The following OXCT1 variants were observed in gnomAD, a reference collection of about 807,000 sequenced individuals.
OXCT1 encodes the protein succinyl-CoA:3-ketoacid coenzyme A transferase 1, mitochondrial.
In OXCT1, 27 loss-of-function variants were observed where a neutral mutation model predicts 69.6. That is an observed-to-expected ratio of 0.39 (90% CI 0.29 to 0.54). OXCT1 has a LOEUF of 0.54. Ranked by LOEUF, OXCT1 falls within the 20% of genes least tolerant of loss-of-function variation. The pLI, the probability that OXCT1 is intolerant of heterozygous loss-of-function variation, is 0.72. For synonymous variants in OXCT1, 202 were observed against 217.8 expected (o/e 0.93, Z 0.64); for missense variants, 437 against 650.2 (o/e 0.67, Z 3.57).
In OXCT1 at chr5:41,803,313, C is replaced by T. The variant is rs34569700; in HGVS notation, c.956-150G>A. On this transcript the variant is annotated intron_variant, in intron 9 of 16. Transcript: ENST00000196371. ...GAATATATTCTCCAATCACCCATGG[C>T]GCATTATTTTGTAATTTTTCAAAAA... The T allele has an allele frequency of 0.19, 108,583 of 565,794 alleles. 11,625 individuals are homozygous for T. The highest frequency in any genetic ancestry group is 0.29 in the Middle Eastern group (650 of 2,274). 35.0% of individuals were successfully genotyped at this position (565,794 alleles called of 1,614,324 possible).
intron 5 of OXCT1, among the ~76,000 whole-genome samples, chr5:41,843,420 G>C (rs1423086340): frequency 6.6e-6 from 1 of 152,062 alleles, no homozygotes; most frequent in African/African-American, 2.4e-5. Context: ...TAGGTACTTA[G>C]TGGTTTCTCT....
At chr5:41,747,741 G>C (rs1743566590) in intron 15 of OXCT1, among the ~76,000 whole-genome samples, 1 of 152,084 alleles carries the variant, frequency 6.6e-6, no homozygotes, top group Admixed American at 6.6e-5. Context: ...TAGGGAGAAA[G>C]TTAAAGCAGA....
chr5:41,825,980 TA>T (rs1747788794), intron 7 of OXCT1, among the ~76,000 whole-genome samples: 1 of 152,204 alleles, frequency 6.6e-6, no homozygotes, highest in African/African-American at 2.4e-5. Context: ...TAAAAAGAGA[TA>T]AAATGGGTCA....
intron 3 of OXCT1, among the ~76,000 whole-genome samples, chr5:41,856,181 C>T (rs1436683879): frequency 6.6e-6 from 1 of 152,028 alleles, no homozygotes; most frequent in African/African-American, 2.4e-5. Context: ...TGAAGAGGCT[C>T]GAAGTAGTCC....
chr5:41,846,206 G>A (rs1369746862), intron 5 of OXCT1, among the ~76,000 whole-genome samples: 4 of 150,722 alleles, frequency 2.7e-5, no homozygotes, highest in Non-Finnish European at 4.4e-5. Flanking sequence ...ATGTATACAT[G>A]TGCCATGCTG....
Position 41,838,197 on chromosome 5 carries a change from G to A in OXCT1, c.732+2254C>T, listed in dbSNP as rs376540680. ...AACGGAGTGCATAGGGTATAGCACA[G>A]AACAGGGGGCTGGAGGTCCAGGGTA... On this transcript the variant is annotated intron_variant, in intron 7 of 16. Coordinates refer to ENST00000196371, the MANE Select transcript of OXCT1 (RefSeq NM_000436.4). Among the ~76,000 whole-genome samples, 138 of 152,280 alleles carry A rather than the reference G, an allele frequency of 9.1e-4. 1 individual carries two copies. Among genetic ancestry groups the A allele is most frequent in the African/African-American group, 3.3e-3 (136 of 41,546 alleles).
chr5:41,850,287 A>T, intron 4 of OXCT1, 108 bp from the exon 5 acceptor site: 2 of 1,247,234 alleles, frequency 1.6e-6, no homozygotes, highest in South Asian at 1.3e-5. Flanking sequence ...AATTCTAAAA[A>T]GTAGCTAGCA....
At chr5:41,746,634 C>T (rs1297777462) in intron 15 of OXCT1, among the ~76,000 whole-genome samples, 1 of 152,076 alleles carries the variant, frequency 6.6e-6, no homozygotes, top group Non-Finnish European at 1.5e-5. Context: ...CCAATTATCC[C>T]CATATGTTAA....
At chr5:41,773,500 A>G (rs1744977253) in intron 13 of OXCT1, among the ~76,000 whole-genome samples, 1 of 151,936 alleles carries the variant, frequency 6.6e-6, no homozygotes, top group Non-Finnish European at 1.5e-5. Flanking sequence ...GGGAGGCTGA[A>G]GTGGGAGGAT....
intron 15 of OXCT1, among the ~76,000 whole-genome samples, chr5:41,743,937 A>T (rs1743330758): frequency 6.6e-6 from 1 of 151,912 alleles, no homozygotes; most frequent in Non-Finnish European, 1.5e-5. Context: ...TTGTTCTTTT[A>T]GCTTAGTATT....
intron 13 of OXCT1, among the ~76,000 whole-genome samples, chr5:41,793,494 C>T (rs1387333432): frequency 1.3e-5 from 2 of 152,150 alleles, no homozygotes; most frequent in Non-Finnish European, 2.9e-5. Context: ...TATTAAATGA[C>T]AACTGTGCAT....
intron 2 of OXCT1, among the ~76,000 whole-genome samples, chr5:41,862,200 A>G (rs1749770166): frequency 6.6e-6 from 1 of 152,176 alleles, no homozygotes; most frequent in Non-Finnish European, 1.5e-5. Flanking sequence ...GACAAAGTGA[A>G]ACTCCCTCGA....
intron 15 of OXCT1, 187 bp from the exon 16 acceptor site, chr5:41,739,678 A>C (rs974861358): frequency 2.3e-5 from 12 of 520,952 alleles, no homozygotes. Flanking sequence ...ATCCTGGCTA[A>C]CACGGTGAAA....
chr5:41,868,961 C>G (rs1750140165), intron 1 of OXCT1, among the ~76,000 whole-genome samples: 1 of 152,142 alleles, frequency 6.6e-6, no homozygotes, highest in Admixed American at 6.5e-5. Context: ...GAGTAAATTA[C>G]AGTTGGGCAA....
At chr5:41,860,774 A>G (rs1270498760) in intron 3 of OXCT1, among the ~76,000 whole-genome samples, 1 of 152,124 alleles carries the variant, frequency 6.6e-6, no homozygotes, top group East Asian at 1.9e-4. Context: ...CTTATTTCTG[A>G]CCACTATAAT....
chr5:41,776,343 G>A (rs1745119445), intron 13 of OXCT1, among the ~76,000 whole-genome samples: 1 of 152,220 alleles, frequency 6.6e-6, no homozygotes, highest in African/African-American at 2.4e-5. Flanking sequence ...GGAAAACTGG[G>A]TGGGGGGAAT....
chr5:41,849,563 C>T (rs11746511), intron 5 of OXCT1, among the ~76,000 whole-genome samples: 28,318 of 152,108 alleles, frequency 0.19, 2,816 homozygotes, highest in Middle Eastern at 0.28. Context: ...TAAATAGTGA[C>T]CATATGAACT....
chr5:41,817,067 T>G (rs2112315930), intron 7 of OXCT1, among the ~76,000 whole-genome samples: 1 of 152,262 alleles, frequency 6.6e-6, no homozygotes, highest in East Asian at 1.9e-4. Context: ...GCATATAAAC[T>G]CATTCCCAAA....
At chr5:41,854,612 TA>T (rs529280695) in intron 3 of OXCT1, among the ~76,000 whole-genome samples, 59 of 152,264 alleles carry the variant, frequency 3.9e-4, no homozygotes, top group African/African-American at 1.4e-3. Context: ...AATTTTTTTT[TA>T]ATGGTGAAAT....
Sources: gnomAD v4.1 joint callset for allele counts (sites outside exome capture counted in the v4.1 genomes callset) on GRCh38, gnomAD v4.1.1 for gene constraint, MANE v1.5 for transcripts, NCBI Gene and HGNC (gene_info 2026-07-23, HGNC 2026-07-21) for gene names.